Variants in APBB2 observed in about 807,000 individuals in gnomAD.
The protein encoded by APBB2 is amyloid beta precursor protein binding family B member 2.
Under a neutral mutation model 82.5 loss-of-function variants are expected in APBB2, and 38 were observed. That is an observed-to-expected ratio of 0.46 (90% CI 0.36 to 0.60). The LOEUF (loss-of-function observed/expected upper bound fraction) is 0.60. Among genes scored for constraint, APBB2 ranks in the 20% least tolerant of loss-of-function variants. The probability of loss-of-function intolerance (pLI) is 0.00; values close to 1 mark genes in which losing one functional copy is unlikely to be tolerated. For missense variants in APBB2, 772 were observed against 972.3 expected (o/e 0.79, Z 2.74); for synonymous variants, 341 against 368.2 (o/e 0.93, Z 0.85).
intron 6 of APBB2, among the ~76,000 whole-genome samples, chr4:40,993,361 CTTT>C (rs34787320): frequency 1.2e-4 from 14 of 114,616 alleles, no homozygotes; most frequent in Non-Finnish European, 2.1e-4. Flanking sequence ...ACTCTTCTCT[CTTT>C]TTTTTTTTTT....
rs1373923589 is a variant in APBB2, at chr4:40,810,294, G to C, written c.*5798C>G. The C allele has an allele frequency of 6.6e-6, 1 of 152,070 alleles. No homozygotes were observed. Among genetic ancestry groups the C allele is most frequent in the Non-Finnish European group, 1.5e-5 (1 of 68,008 alleles). 9.4% of individuals were successfully genotyped at this position (152,070 alleles called of 1,614,324 possible). ...TCAGTAAAACGTGTCAGTGGGCTGGGTGCAGTGGCTCACATCTGTAATCTC... is the reference window on the plus strand; with the variant it reads ...TCAGTAAAACGTGTCAGTGGGCTGGCTGCAGTGGCTCACATCTGTAATCTC... On this transcript the variant is annotated 3_prime_UTR_variant, in exon 18 of 18. Transcript: ENST00000508593.
chr4:40,915,175 C>T (rs991328723), intron 10 of APBB2, among the ~76,000 whole-genome samples: 29 of 152,352 alleles, frequency 1.9e-4, no homozygotes, highest in African/African-American at 6.5e-4. Context: ...GGACTCATCA[C>T]CATGGGCTCC....
chr4:41,080,183 A>T (rs1015566437), intron 3 of APBB2, among the ~76,000 whole-genome samples: 2 of 152,230 alleles, frequency 1.3e-5, no homozygotes, highest in Non-Finnish European at 2.9e-5. Context: ...TAGAAACATC[A>T]ATATTGCTGA....
chr4:41,049,324 G>A (rs1579557973), intron 4 of APBB2, among the ~76,000 whole-genome samples: 1 of 150,060 alleles, frequency 6.7e-6, no homozygotes, highest in Non-Finnish European at 1.5e-5. Flanking sequence ...CGCCCCGTCG[G>A]AGAAGTGAGG....
intron 6 of APBB2, among the ~76,000 whole-genome samples, chr4:40,998,180 G>A (rs1270683177): frequency 1.3e-5 from 2 of 152,204 alleles, no homozygotes; most frequent in African/African-American, 4.8e-5. Flanking sequence ...CAGTGAGCTT[G>A]ACAGCTTCCC....
intron 4 of APBB2, among the ~76,000 whole-genome samples, chr4:41,041,924 A>T (rs1191527815): frequency 6.6e-6 from 1 of 152,232 alleles, no homozygotes; most frequent in Non-Finnish European, 1.5e-5. Flanking sequence ...TATAACACTT[A>T]ATCAGAAATT....
intron 4 of APBB2, among the ~76,000 whole-genome samples, chr4:41,033,584 TCACA>T (rs71915197): frequency 0.27 from 35,914 of 130,616 alleles, 5,299 homozygotes; most frequent in East Asian, 0.48. Context: ...CTTTTTCTCA[TCACA>T]CACACACACA....
intron 1 of APBB2, among the ~76,000 whole-genome samples, chr4:41,157,673 C>T (rs1763820333): frequency 6.6e-6 from 1 of 152,298 alleles, no homozygotes; most frequent in African/African-American, 2.4e-5. Flanking sequence ...CAGTTCTTCG[C>T]AAATTTCCAT....
At chr4:40,880,412 T>G in intron 12 of APBB2, 1 of 985,444 alleles carries the variant, frequency 1.0e-6, no homozygotes, top group Middle Eastern at 5.2e-4. Context: ...AACTCGTGTA[T>G]GAAAAGTGGT....
chr4:41,017,884 T>C (rs1810458812), intron 5 of APBB2, among the ~76,000 whole-genome samples: 1 of 152,276 alleles, frequency 6.6e-6, no homozygotes, highest in Non-Finnish European at 1.5e-5. Flanking sequence ...GGTTTGTGTT[T>C]GTCTTTAAAT....
At chr4:40,944,380 T>C (rs902411066) in intron 7 of APBB2, among the ~76,000 whole-genome samples, 2 of 152,236 alleles carry the variant, frequency 1.3e-5, no homozygotes, top group African/African-American at 4.8e-5. Flanking sequence ...AAACAGATTT[T>C]TTAAAATAGA....
chr4:40,985,502 A>G (rs572520489), intron 6 of APBB2, among the ~76,000 whole-genome samples: 4 of 152,282 alleles, frequency 2.6e-5, no homozygotes, highest in South Asian at 2.1e-4. Context: ...CACAGGGCCA[A>G]TTGTGGGGTG....
chr4:40,946,185 T>G (rs1453963576), intron 6 of APBB2, among the ~76,000 whole-genome samples: 1 of 133,632 alleles, frequency 7.5e-6, no homozygotes, highest in Admixed American at 9.0e-5. Flanking sequence ...TGAGCTGAGA[T>G]CACACCGTTG....
At chr4:40,877,099 G>C (rs1767113778) in intron 12 of APBB2, among the ~76,000 whole-genome samples, 1 of 152,258 alleles carries the variant, frequency 6.6e-6, no homozygotes, top group Non-Finnish European at 1.5e-5. Flanking sequence ...CTCAGCATAA[G>C]TCCAGTGGAT....
chr4:41,027,188 C>A (rs974148571), intron 5 of APBB2, among the ~76,000 whole-genome samples: 8 of 151,960 alleles, frequency 5.3e-5, no homozygotes, highest in African/African-American at 1.9e-4. Flanking sequence ...AATACCTGCC[C>A]TCTCAGTGAT....
chr4:41,192,171 C>T (rs931442238), intron 1 of APBB2, among the ~76,000 whole-genome samples: 2 of 152,124 alleles, frequency 1.3e-5, no homozygotes, highest in Non-Finnish European at 1.5e-5. Flanking sequence ...GAAAAGGGAA[C>T]GTTTGTACAC....
intron 6 of APBB2, among the ~76,000 whole-genome samples, chr4:40,957,366 A>G (rs1370962387): frequency 6.6e-6 from 1 of 152,242 alleles, no homozygotes; most frequent in Non-Finnish European, 1.5e-5. Flanking sequence ...AAAACTAGAT[A>G]ATAACACTGG....
chr4:41,010,788 C>A (rs1022502814), intron 6 of APBB2, among the ~76,000 whole-genome samples: 1 of 152,094 alleles, frequency 6.6e-6, no homozygotes, highest in African/African-American at 2.4e-5. Context: ...TGAAAAAAAG[C>A]AAAGCATTCA....
chr4:41,091,446 T>C (rs1296604094), intron 3 of APBB2, among the ~76,000 whole-genome samples: 4 of 152,332 alleles, frequency 2.6e-5, no homozygotes, highest in African/African-American at 9.6e-5. Context: ...TAAGTAATTT[T>C]TGTGAAGATG....
Sources: allele counts gnomAD v4.1 joint callset (sites outside exome capture counted in the v4.1 genomes callset), GRCh38; gene constraint gnomAD v4.1.1; transcripts MANE v1.5; gene names NCBI Gene and HGNC (gene_info 2026-07-23, HGNC 2026-07-21).